ATP6V0A1: variants seen among roughly 807,000 people sequenced by gnomAD.
ATP6V0A1 encodes the protein ATPase H+ transporting V0 subunit a1.
ATP6V0A1 carries 43 observed loss-of-function variants against 105.4 expected under a neutral mutation model. The ratio of observed to expected loss-of-function variants is 0.41; its 90% confidence interval spans 0.32 to 0.53. The LOEUF (loss-of-function observed/expected upper bound fraction) is 0.53. Among genes scored for constraint, ATP6V0A1 ranks in the 20% least tolerant of loss-of-function variants. ATP6V0A1 has a pLI of 0.30. For missense variants in ATP6V0A1, 676 were observed against 1,051.1 expected, an observed-to-expected ratio of 0.64 and a Z score of 4.93; for synonymous variants, 362 against 372.8, an observed-to-expected ratio of 0.97 and a Z score of 0.33.
Position 42,521,215 on chromosome 17 carries a change from C to A in ATP6V0A1, c.*95C>A. 8.8e-7 allele frequency: 1 copy of A among 1,135,030 alleles called. No homozygotes were observed. The highest frequency in any genetic ancestry group is 1.6e-5 in the South Asian group (1 of 63,158). 70.3% of individuals were successfully genotyped at this position (1,135,030 alleles called of 1,614,324 possible). On this transcript the variant is annotated 3_prime_UTR_variant, in exon 22 of 22. Transcript: ENST00000343619. This position sits in a 1 kb window ranked among gnomAD's most constrained non-coding sequence, Gnocchi z 4.8. ...CTGCCTGTTGGTTGTGATCTGTGGG[C>A]ACCAGCTCATTCGTGTCACCCTGTC...
rs1175514892 is a variant in ATP6V0A1, at chr17:42,477,725, C to T, written c.489C>T (p.Gly163=). 6.2e-7 allele frequency: 1 copy of T among 1,613,552 alleles called. No homozygotes were observed. The highest frequency in any genetic ancestry group is 1.3e-5 in the African/African-American group (1 of 74,866). Residue 163 remains glycine, a synonymous_variant, in exon 6 of 22, where the codon GGC becomes GGT. Transcript: ENST00000343619. ...TGGAGCCAAGTGAGATGGGAAGAGG[C>T]ACTCCTTTAAGACTTGGGTAAGTGC... The part of the protein sequence containing the change: ...SLLEPSEMGR[G]TPLRLGFVAG...
chr17:42,475,339 T>A (rs1171282729), intron 5 of ATP6V0A1, among the ~76,000 whole-genome samples: 1 of 152,210 alleles, frequency 6.6e-6, no homozygotes, highest in Non-Finnish European at 1.5e-5. Context: ...GTTTTCAGTA[T>A]CTGAATGGAG....
At chr17:42,492,662 C>T (rs1037816101) in intron 11 of ATP6V0A1, among the ~76,000 whole-genome samples, 7 of 139,074 alleles carry the variant, frequency 5.0e-5, no homozygotes, top group Admixed American at 3.1e-4. Flanking sequence ...GCCGATATTG[C>T]ATTATTGCAC....
In ATP6V0A1 at chr17:42,497,952, AAAAG is replaced by A. The variant is rs1405895260; in HGVS notation, c.1561-971_1561-968del. ...ATCTCAAAAAAAAAAGAAAAAAAAA[AAAAG>A]CCTTACTGGCCGGGCGCAGTGACTC... On this transcript the variant is annotated intron_variant, in intron 14 of 21. Coordinates refer to ENST00000343619, the MANE Select transcript of ATP6V0A1 (RefSeq NM_001130021.3). Among the ~76,000 whole-genome samples, 452 of 151,986 alleles carry A rather than the reference AAAAG, an allele frequency of 3.0e-3. 4 individuals are homozygous for A. Among genetic ancestry groups the A allele is most frequent in the African/African-American group, 0.01 (435 of 41,454 alleles).
intron 2 of ATP6V0A1, among the ~76,000 whole-genome samples, chr17:42,465,082 T>C (rs1316709274): frequency 6.6e-6 from 1 of 152,140 alleles, no homozygotes; most frequent in Non-Finnish European, 1.5e-5. Flanking sequence ...AACCTCTCCC[T>C]CCCAGGTTCA....
Position 42,502,489 on chromosome 17 carries a change from T to TGC in ATP6V0A1, c.2004+1192_2004+1193dup, listed in dbSNP as rs200354794. 3.5e-3 allele frequency among the ~76,000 whole-genome samples: 535 copies of TGC among 151,802 alleles called. 4 individuals are homozygous for TGC. Among genetic ancestry groups the TGC allele is most frequent in the African/African-American group, 0.011 (459 of 41,150 alleles). On this transcript the variant is annotated intron_variant, in intron 17 of 21. Coordinates refer to ENST00000343619, the MANE Select transcript of ATP6V0A1 (RefSeq NM_001130021.3). ...TTAATGTCTGTGTGTATATGAATTCTGCGCGCGCACACACACACACACACA... is the reference window on the plus strand; with the variant it reads ...TTAATGTCTGTGTGTATATGAATTCTGCGCGCGCGCACACACACACACACACA...
In ATP6V0A1 at chr17:42,500,710, T is replaced by C. The variant is rs951515597; in HGVS notation, c.1683T>C (p.Tyr561=). The change falls in exon 16 of 22, where the codon TAT becomes TAC. Residue 561 remains tyrosine, a synonymous_variant. Transcript: ENST00000343619. ...GVSLSLFNHI[Y]FKKPLNIYFG... ...TTTTTTTCTCTCTCCTTTTTAGCTA[T>C]TTCAAGAAGCCCCTGAATATCTACT... 6.2e-7 allele frequency: 1 copy of C among 1,611,460 alleles called. No homozygotes were observed. The highest frequency in any genetic ancestry group is 8.5e-7 in the Non-Finnish European group (1 of 1,177,858).
At chr17:42,495,811 T>A in intron 14 of ATP6V0A1, 95 bp downstream of exon 14, 1 of 1,120,784 alleles carries the variant, frequency 8.9e-7, no homozygotes, top group Non-Finnish European at 1.3e-6. Context: ...TTATGTGGGC[T>A]TTCACTGGGC....
intron 19 of ATP6V0A1, chr17:42,513,308 C>T (rs1400353331): frequency 1.3e-5 from 2 of 152,590 alleles, no homozygotes; most frequent in Non-Finnish European, 2.9e-5. Flanking sequence ...TTAGAAGTCA[C>T]AAAAGAAAAA....
intron 21 of ATP6V0A1, among the ~76,000 whole-genome samples, chr17:42,515,174 A>G (rs1351815450): frequency 6.6e-6 from 1 of 152,074 alleles, no homozygotes; most frequent in Non-Finnish European, 1.5e-5. Flanking sequence ...TAGCACATAA[A>G]AGTACAGTTT....
chr17:42,521,053 G>A lies in ATP6V0A1; in HGVS notation c.2447G>A (p.Ser816Asn), dbSNP rs1216150001. The A allele has an allele frequency of 1.2e-6, 2 of 1,608,204 alleles. No individual in the cohort carries two copies. Among genetic ancestry groups the A allele is most frequent in the Non-Finnish European group, 1.7e-6 (2 of 1,177,568 alleles). ...GTTGAGTTCCAGAATAAATTCTACA[G>A]CGGGACCGGTTTCAAGTTCTTACCC... ...HWVEFQNKFY[S>N]GTGFKFLPFS... Residue 816 changes from serine to asparagine, a missense_variant, in exon 22 of 22, where the codon AGC becomes AAC. Ser to Asn is a conservative substitution (Grantham distance 46). This residue lies in a region of ATP6V0A1 where 435 missense variants were observed against 642.2 expected (regional missense o/e 0.68). Transcript: ENST00000343619. This position sits in a 1 kb window ranked among gnomAD's most constrained non-coding sequence, Gnocchi z 4.8.
chr17:42,460,997 G>T lies in ATP6V0A1; in HGVS notation c.103G>T (p.Val35Phe), dbSNP rs755485576. Reference sequence around the variant, plus strand: ...CAGTGAATTAGGAGAACTTGGAAAGGTTCAGTTTCGTGACGTAAGTAGTTG... The same window carrying T: ...CAGTGAATTAGGAGAACTTGGAAAGTTTCAGTTTCGTGACGTAAGTAGTTG... Reference protein sequence around the residue: ...CVSELGELGKVQFRDLNPDVN... With the variant: ...CVSELGELGKFQFRDLNPDVN... Residue 35 changes from valine (V) to phenylalanine (F), a missense_variant, in exon 2 of 22, where the codon GTT (valine) becomes TTT (phenylalanine). Val to Phe is a conservative substitution (Grantham distance 50, BLOSUM62 -1). Coordinates refer to ENST00000343619, the MANE Select transcript of ATP6V0A1 (RefSeq NM_001130021.3). 8.1e-6 allele frequency: 13 copies of T among 1,613,600 alleles called. No individual in the cohort carries two copies. Among genetic ancestry groups the T allele is most frequent in the African/African-American group, 1.3e-5 (1 of 74,914 alleles).
intron 14 of ATP6V0A1, 108 bp downstream of exon 14, chr17:42,495,824 G>A (rs1021842557): frequency 6.9e-5 from 67 of 975,682 alleles, no homozygotes; most frequent in Non-Finnish European, 9.4e-5. Context: ...CACTGGGCAT[G>A]GTCGCTCATG....
intron 21 of ATP6V0A1, chr17:42,520,346 A>T (rs1344849515): frequency 2.3e-6 from 1 of 435,242 alleles, no homozygotes; most frequent in East Asian, 7.1e-5. Flanking sequence ...TCTTCCTCCC[A>T]CCCTCCCTGA....
intron 5 of ATP6V0A1, among the ~76,000 whole-genome samples, chr17:42,474,403 A>G (rs2088447110): frequency 6.6e-6 from 1 of 151,688 alleles, no homozygotes; most frequent in Non-Finnish European, 1.5e-5. Context: ...TGCTTTTGTC[A>G]TCAATTCCCC....
intron 5 of ATP6V0A1, 159 bp downstream of exon 5, chr17:42,470,377 T>G (rs2087726301): frequency 1.2e-6 from 1 of 856,022 alleles, no homozygotes; most frequent in Admixed American, 2.5e-5. Context: ...ATGTTCCATT[T>G]TTCATGCAGT....
At chr17:42,517,950 T>G (rs2092696558) in intron 21 of ATP6V0A1, 2 of 152,244 alleles carry the variant, frequency 1.3e-5, no homozygotes, top group Non-Finnish European at 2.9e-5. Context: ...TCATGCAGCA[T>G]CATAGGAAGG....
rs944088706 is a variant in ATP6V0A1 at position 42,495,873 on chromosome 17, A to C, written c.1560+157A>C. On this transcript the variant is annotated intron_variant, in intron 14 of 21. Coordinates refer to ENST00000343619, the MANE Select transcript of ATP6V0A1 (RefSeq NM_001130021.3). ...CACTTTGGGAGGCCGAGGAGGTGGG[A>C]TCACCTGAGGTCAGCATGGTGAAAC... 6.4e-6 allele frequency: 4 copies of C among 622,202 alleles called. No homozygotes were observed. The East Asian group carries it at 1.2e-4, about 18-fold the overall frequency. 38.5% of individuals were successfully genotyped at this position (622,202 alleles called of 1,614,324 possible).
At chr17:42,463,967 C>T (rs1477474435) in intron 2 of ATP6V0A1, among the ~76,000 whole-genome samples, 3 of 152,078 alleles carry the variant, frequency 2.0e-5, no homozygotes, top group South Asian at 2.1e-4. Context: ...AGGTCTTCAT[C>T]CTTATTGTCT....
Sources: gnomAD v4.1 joint callset for allele counts (sites outside exome capture counted in the v4.1 genomes callset) on GRCh38, gnomAD v4.1.1 for gene constraint, gnomAD v4.1.1 regional missense constraint, Gnocchi (gnomAD v3.1) non-coding constraint, MANE v1.5 for transcripts, NCBI Gene and HGNC (gene_info 2026-07-23, HGNC 2026-07-21) for gene names.